AP1AR: variants seen among roughly 807,000 people sequenced by gnomAD.
The protein encoded by AP1AR is adaptor related protein complex 1 associated regulatory protein.
Under a neutral mutation model 46.3 loss-of-function variants are expected in AP1AR, and 29 were observed. The ratio of observed to expected loss-of-function variants is 0.63; its 90% CI spans 0.47 to 0.85. The LOEUF (loss-of-function observed/expected upper bound fraction) is 0.85, where lower values mean the gene tolerates loss of function less well. Among genes scored for constraint, AP1AR ranks in the 40% least tolerant of loss-of-function variants. AP1AR has a pLI of 0.00. For synonymous variants in AP1AR, 122 were observed against 122.9 expected (o/e 0.99, Z 0.05); for missense variants, 357 against 356.3 (o/e 1.00, Z -0.02).
chr4:112,263,295 A>T (rs115161870), intron 6 of AP1AR, among the ~76,000 whole-genome samples: 1 of 152,206 alleles, frequency 6.6e-6, no homozygotes, highest in Non-Finnish European at 1.5e-5. Context: ...TTGATACTCA[A>T]TGCTATTTAG....
chr4:112,257,810 TAAA>T lies in AP1AR; in HGVS notation c.185+23_185+25del, dbSNP rs369515291. ...GAAGCAGTCATAGGTAAGGCTTTGTTAAAAAAAAAAAACAAAACTTCTATGCAA... is the reference window on the plus strand; with the variant it reads ...GAAGCAGTCATAGGTAAGGCTTTGTTAAAAAAAAACAAAACTTCTATGCAA... On this transcript the variant is annotated intron_variant, in intron 4 of 9. Coordinates refer to ENST00000274000, the MANE Select transcript of AP1AR (RefSeq NM_018569.6). 2.4e-6 allele frequency: 3 copies of T among 1,235,856 alleles called. No homozygotes were observed. The highest frequency in any genetic ancestry group is 3.2e-5 in the South Asian group (2 of 63,294). The allele number at this position is 1,235,856 out of a possible 1,614,324, so 76.6% of individuals were successfully genotyped here. A position where few individuals can be genotyped will look rare whatever the true frequency, so the allele number is the denominator to read the frequency against.
Position 112,232,060 on chromosome 4 carries a change from G to T in AP1AR, c.-32G>T. 1 of 1,353,094 alleles carries T rather than the reference G, an allele frequency of 7.4e-7. No individual in the cohort carries two copies. The highest frequency in any genetic ancestry group is 9.6e-7 in the Non-Finnish European group (1 of 1,044,106). The allele number at this position is 1,353,094 out of a possible 1,614,324, so 83.8% of individuals were successfully genotyped here. A position where few individuals can be genotyped will look rare whatever the true frequency, so the allele number is the denominator to read the frequency against. On this transcript the variant is annotated 5_prime_UTR_variant, in exon 1 of 10. The change creates a premature stop within an existing upstream ORF in the 5' untranslated region. Transcript: ENST00000274000. ...GGGTTTGGGCATTGAGCGGGAGGAG[G>T]AGGAGGAGCGGCGGCGCCTGGGCGG...
At chr4:112,252,554 A>G (rs554264455) in intron 1 of AP1AR, among the ~76,000 whole-genome samples, 7 of 152,258 alleles carry the variant, frequency 4.6e-5, no homozygotes, top group Non-Finnish European at 8.8e-5. Flanking sequence ...ATAATAAAGA[A>G]GATTCCTATT....
At position 112,246,869 on chromosome 4, in the gene AP1AR, A is replaced by G. The variant is rs543557519; in HGVS notation, c.84-6339A>G. 2.0e-5 allele frequency among the ~76,000 whole-genome samples: 3 copies of G among 152,322 alleles called. No homozygotes were observed. The East Asian group carries it at 5.8e-4, about 29-fold the overall frequency. On this transcript the variant is annotated intron_variant, in intron 1 of 9. Transcript: ENST00000274000. ...CTACAGAGTTTGGCTGAACTCTACC[A>G]ACATTTCTTTCTCTATTTTGTATTC...
At chr4:112,233,862 T>C (rs913892592) in intron 1 of AP1AR, among the ~76,000 whole-genome samples, 4 of 151,720 alleles carry the variant, frequency 2.6e-5, no homozygotes, top group African/African-American at 4.9e-5. Flanking sequence ...GGAGTATTTC[T>C]TTCTTTTTTT....
At position 112,234,581 on chromosome 4, in the gene AP1AR, G is replaced by A. The variant is rs985539276; in HGVS notation, c.83+2407G>A. The stretch of plus-strand genomic sequence containing the variant: ...ATTGTTTAACATCAATTTTAATACT[G>A]TTTTAGCAGCTTCCAGTAAGCATGT... On this transcript the variant is annotated intron_variant, in intron 1 of 9. Coordinates refer to ENST00000274000, the MANE Select transcript of AP1AR (RefSeq NM_018569.6). Among the ~76,000 whole-genome samples, 13 of 151,254 alleles carry A rather than the reference G, an allele frequency of 8.6e-5. No homozygotes were observed. In the South Asian group the frequency reaches 1.2e-3, roughly 14 times the overall value.
At chr4:112,251,836 A>G (rs1725974708) in intron 1 of AP1AR, among the ~76,000 whole-genome samples, 1 of 152,244 alleles carries the variant, frequency 6.6e-6, no homozygotes, top group African/African-American at 2.4e-5. Context: ...TTTACCAATG[A>G]TCTTAGTGGA....
In AP1AR at chr4:112,273,047, C is replaced by T. The variant is rs113721581; in HGVS notation, c.*4638C>T. On this transcript the variant is annotated 3_prime_UTR_variant, in exon 10 of 10. Coordinates refer to ENST00000274000, the MANE Select transcript of AP1AR (RefSeq NM_018569.6). ...GAGTTCACAAAAGAAATCTGAGATT[C>T]CACATTGAAATCCTAAATGTAAAAC... is the stretch of plus-strand genomic sequence containing the variant. The T allele has an allele frequency of 6.6e-5, 10 of 151,920 alleles. No individual in the cohort carries two copies. Among genetic ancestry groups the T allele is most frequent in the South Asian group, 2.1e-4 (1 of 4,818 alleles). 9.4% of individuals were successfully genotyped at this position (151,920 alleles called of 1,614,324 possible).
At chr4:112,239,815 A>T (rs1262206382) in intron 1 of AP1AR, among the ~76,000 whole-genome samples, 1 of 152,154 alleles carries the variant, frequency 6.6e-6, no homozygotes, top group Non-Finnish European at 1.5e-5. Flanking sequence ...GTTCTCCCTT[A>T]ATAGAGTATA....
chr4:112,264,067 C>G (rs1726568502), intron 6 of AP1AR, among the ~76,000 whole-genome samples: 1 of 152,162 alleles, frequency 6.6e-6, no homozygotes, highest in Non-Finnish European at 1.5e-5. Context: ...CTCCCCCCAA[C>G]TTTCCTTCAT....
intron 1 of AP1AR, among the ~76,000 whole-genome samples, chr4:112,244,392 A>G (rs1725635459): frequency 6.6e-6 from 1 of 152,198 alleles, no homozygotes; most frequent in Non-Finnish European, 1.5e-5. Context: ...ACCCTGTTGT[A>G]TTGCCACAGC....
At chr4:112,256,813 TTATTG>T in intron 3 of AP1AR, among the ~76,000 whole-genome samples, 1 of 152,350 alleles carries the variant, frequency 6.6e-6, no homozygotes, top group East Asian at 1.9e-4. Flanking sequence ...TTGATTCTCA[TTATTG>T]TATTTAAGTT....
At chr4:112,245,526 G>A (rs1725691699) in intron 1 of AP1AR, among the ~76,000 whole-genome samples, 1 of 152,168 alleles carries the variant, frequency 6.6e-6, no homozygotes, top group Admixed American at 6.5e-5. Flanking sequence ...TCCAATGCAT[G>A]TTTGACACAT....
At chr4:112,237,414 T>C (rs1229919980) in intron 1 of AP1AR, among the ~76,000 whole-genome samples, 1 of 148,866 alleles carries the variant, frequency 6.7e-6, no homozygotes, top group African/African-American at 2.5e-5. Flanking sequence ...CCAAATACAG[T>C]GTTTTCTAAC....
At chr4:112,255,672 TTA>T (rs1386535997) in intron 3 of AP1AR, among the ~76,000 whole-genome samples, 1 of 152,234 alleles carries the variant, frequency 6.6e-6, no homozygotes, top group Non-Finnish European at 1.5e-5. Context: ...TATCTTTTCT[TTA>T]TGTTGATTTT....
rs547477393 is a variant in AP1AR, at chr4:112,250,031, C to G, written c.84-3177C>G. ...CCAGCATCTAGAACAGTGCCAGGCA[C>G]TTTAGAAGCACTTGATAAATATTTA... On this transcript the variant is annotated intron_variant, in intron 1 of 9. Transcript: ENST00000274000. Among the ~76,000 whole-genome samples the G allele has an allele frequency of 2.2e-3, 333 of 152,316 alleles. 4 individuals carry two copies. The highest frequency in any genetic ancestry group is 3.0e-3 in the Non-Finnish European group (203 of 68,026).
At chr4:112,262,375 T>A (rs1726489452) in intron 5 of AP1AR, among the ~76,000 whole-genome samples, 1 of 152,248 alleles carries the variant, frequency 6.6e-6, no homozygotes, top group Admixed American at 6.5e-5. Flanking sequence ...ACAGTAGCTG[T>A]TAATATTAGT....
intron 5 of AP1AR, among the ~76,000 whole-genome samples, 196 bp downstream of exon 5, chr4:112,261,058 C>A (rs958663901): frequency 3.9e-5 from 6 of 151,996 alleles, no homozygotes; most frequent in Non-Finnish European, 8.8e-5. Flanking sequence ...CATATGCTGC[C>A]AAAAAATGGA....
chr4:112,266,624 CA>C lies in AP1AR; in HGVS notation c.552del (p.Glu185LysfsTer6). 6.2e-7 allele frequency: 1 copy of C among 1,610,638 alleles called. No homozygotes were observed. Among genetic ancestry groups the C allele is most frequent in the Non-Finnish European group, 8.5e-7 (1 of 1,177,754 alleles). On this transcript the variant is annotated frameshift_variant, in exon 9 of 10. Transcript: ENST00000274000. LOFTEE classifies it high-confidence loss of function. ...GATGCTACAGTTTTGACACCAAATA[CA>C]GAAAGCAGTTGTGATTTAATGACCA... is the stretch of plus-strand genomic sequence containing the variant. ...SSDATVLTPN[T>X]ESSCDLMTKT...
Sources: gnomAD v4.1 joint callset for allele counts (sites outside exome capture counted in the v4.1 genomes callset) on GRCh38, gnomAD v4.1.1 for gene constraint, MANE v1.5 for transcripts, NCBI Gene and HGNC (gene_info 2026-07-23, HGNC 2026-07-21) for gene names.